The following LPP variants were observed in gnomAD, a reference collection of about 807,000 sequenced individuals.
The protein encoded by LPP is lipoma-preferred partner.
LPP carries 38 observed loss-of-function variants against 60.4 expected under a neutral mutation model. The ratio of observed to expected loss-of-function variants is 0.63; its 90% confidence interval spans 0.49 to 0.83. LPP has a LOEUF of 0.83. LPP is among the 40% of genes least tolerant of loss of function. The pLI is 0.00. For synonymous variants in LPP, 328 were observed against 290.8 expected, an observed-to-expected ratio of 1.13 and a Z score of -1.30; for missense variants, 902 against 783.6, an observed-to-expected ratio of 1.15 and a Z score of -1.80.
intron 7 of LPP, among the ~76,000 whole-genome samples, chr3:188,614,757 C>T (rs921994932): frequency 6.6e-6 from 1 of 152,212 alleles, no homozygotes; most frequent in Admixed American, 6.5e-5. Context: ...AGGAGCTCCT[C>T]ATCAGCGCCA....
At chr3:188,286,685 G>C (rs915490172) in intron 2 of LPP, among the ~76,000 whole-genome samples, 1 of 152,124 alleles carries the variant, frequency 6.6e-6, no homozygotes, top group Non-Finnish European at 1.5e-5. Flanking sequence ...AGGAAAGCCA[G>C]CTAACTTTAT....
At chr3:188,848,445 T>G (rs1412949914) in intron 9 of LPP, among the ~76,000 whole-genome samples, 3 of 152,202 alleles carry the variant, frequency 2.0e-5, no homozygotes, top group African/African-American at 7.2e-5. Context: ...TGTCGCACTC[T>G]TGCTGATTTT....
At chr3:188,604,355 G>A (rs1032916992) in intron 6 of LPP, among the ~76,000 whole-genome samples, 12 of 151,916 alleles carry the variant, frequency 7.9e-5, no homozygotes, top group African/African-American at 2.2e-4. Context: ...AAATGCATTC[G>A]TCTCTTTCCT....
chr3:188,466,387 T>C (rs1399704099), intron 4 of LPP, among the ~76,000 whole-genome samples: 16 of 152,102 alleles, frequency 1.1e-4, no homozygotes, highest in Admixed American at 1.0e-3. Flanking sequence ...TAGTCTCTTA[T>C]TGCCATTAAT....
intron 9 of LPP, among the ~76,000 whole-genome samples, chr3:188,858,365 C>G (rs982324973): frequency 8.5e-5 from 13 of 152,252 alleles, no homozygotes; most frequent in African/African-American, 2.9e-4. Context: ...TTTCAAGGAT[C>G]AGAACACATT....
chr3:188,485,796 C>CAAAAAAAA (rs766522013), intron 5 of LPP, among the ~76,000 whole-genome samples: 18,682 of 39,908 alleles, frequency 0.47, 6,577 homozygotes, highest in Middle Eastern at 0.74. Flanking sequence ...GACTCCGTCT[C>CAAAAAAAA]AAAAAAAAAA....
chr3:188,675,551 A>G (rs1857869785), intron 7 of LPP, among the ~76,000 whole-genome samples: 2 of 152,178 alleles, frequency 1.3e-5, no homozygotes, highest in African/African-American at 4.8e-5. Context: ...GTTGGTAGTA[A>G]TCTGTGCTAA....
rs765931059 is a variant in LPP at position 188,609,514 on chromosome 3, G to T, written c.783G>T (p.Gln261His). Residue 261 changes from glutamine to histidine, a missense_variant, in exon 7 of 12, where the codon CAG becomes CAT. Transcript: ENST00000617246. This position sits in a 1 kb window ranked among gnomAD's most constrained non-coding sequence, Gnocchi z 6.9. The part of the protein sequence containing the change: ...YNTQPVPVSG[Q>H]CPPPSTRGGM... ...CTCAGCCAGTTCCTGTCTCTGGGCA[G>T]TGTCCACCTCCTTCAACACGGGGAG... 6.2e-7 allele frequency: 1 copy of T among 1,614,200 alleles called. No individual in the cohort carries two copies. Among genetic ancestry groups the T allele is most frequent in the Admixed American group, 1.7e-5 (1 of 60,020 alleles).
At chr3:188,410,865 C>T (rs992476713) in intron 4 of LPP, among the ~76,000 whole-genome samples, 2 of 152,090 alleles carry the variant, frequency 1.3e-5, no homozygotes, top group African/African-American at 4.8e-5. Context: ...ACACTGTAGT[C>T]TTTTATCCCT....
chr3:188,834,265 C>A (rs1757785820), intron 9 of LPP, among the ~76,000 whole-genome samples: 1 of 120,660 alleles, frequency 8.3e-6, no homozygotes, highest in East Asian at 2.8e-4. Context: ...CAATTTGTAT[C>A]TTTGTTTTCA....
chr3:188,790,145 T>C (rs961232065), intron 9 of LPP, among the ~76,000 whole-genome samples: 1 of 152,068 alleles, frequency 6.6e-6, no homozygotes, highest in African/African-American at 2.4e-5. Flanking sequence ...AAAGGACTAG[T>C]AAAATAAAGT....
chr3:188,541,194 G>A (rs554316844), intron 6 of LPP, among the ~76,000 whole-genome samples: 1 of 152,304 alleles, frequency 6.6e-6, no homozygotes, highest in Non-Finnish European at 1.5e-5. Flanking sequence ...TAAAGCAATA[G>A]TTAAGTTTAT....
intron 4 of LPP, among the ~76,000 whole-genome samples, chr3:188,474,915 G>GT (rs1384429031): frequency 6.6e-6 from 1 of 152,162 alleles, no homozygotes; most frequent in Non-Finnish European, 1.5e-5. Context: ...CAATTACTAT[G>GT]TTTTTGTAAA....
chr3:188,684,383 T>G (rs1433752805), intron 7 of LPP, among the ~76,000 whole-genome samples: 2 of 152,200 alleles, frequency 1.3e-5, no homozygotes, highest in Admixed American at 6.5e-5. Context: ...AAAGTACACC[T>G]TTTTACATTA....
intron 6 of LPP, among the ~76,000 whole-genome samples, chr3:188,583,945 T>A (rs1406125577): frequency 1.3e-5 from 2 of 152,170 alleles, no homozygotes; most frequent in African/African-American, 4.8e-5. Flanking sequence ...GTTCTGTGTT[T>A]CTCATCTTTC....
intron 1 of LPP, among the ~76,000 whole-genome samples, chr3:188,213,869 C>T (rs1465434897): frequency 6.6e-6 from 1 of 151,670 alleles, no homozygotes; most frequent in Non-Finnish European, 1.5e-5. Flanking sequence ...GCAAGGCTTC[C>T]CATCTGAGCC....
chr3:188,289,840 T>C (rs928774190), intron 2 of LPP, among the ~76,000 whole-genome samples: 51 of 152,334 alleles, frequency 3.3e-4, no homozygotes, highest in African/African-American at 1.1e-3. Context: ...AAGGACCTCT[T>C]AGGATTTCGG....
intron 9 of LPP, among the ~76,000 whole-genome samples, chr3:188,846,513 G>A (rs28649489): frequency 0.057 from 8,635 of 151,812 alleles, 262 homozygotes; most frequent in African/African-American, 0.072. Context: ...ATGAAACCCC[G>A]TCTCTACTAA....
chr3:188,506,185 G>A (rs192764434), intron 5 of LPP, among the ~76,000 whole-genome samples: 1 of 152,044 alleles, frequency 6.6e-6, no homozygotes, highest in Non-Finnish European at 1.5e-5. Context: ...CATGTGATGT[G>A]GTGGCATGAG....
Sources: gnomAD v4.1 joint callset for allele counts (sites outside exome capture counted in the v4.1 genomes callset) on GRCh38, gnomAD v4.1.1 for gene constraint, Gnocchi (gnomAD v3.1) non-coding constraint, MANE v1.5 for transcripts, NCBI Gene and HGNC (gene_info 2026-07-23, HGNC 2026-07-21) for gene names.